The following PLEKHG7 variants were observed in gnomAD, a reference collection of about 807,000 sequenced individuals.
PLEKHG7 encodes the protein pleckstrin homology domain-containing family G member 7.
PLEKHG7 carries 77 observed loss-of-function variants against 85.2 expected under a neutral mutation model. That is an observed-to-expected ratio of 0.90 (90% CI 0.75 to 1.09). PLEKHG7 has a LOEUF of 1.09. PLEKHG7 is among the 50% of genes least tolerant of loss of function. The pLI, the probability that PLEKHG7 is intolerant of heterozygous loss-of-function variation, is 0.00. For synonymous variants in PLEKHG7, 301 were observed against 302.4 expected, an observed-to-expected ratio of 1.00 and a Z score of 0.05; for missense variants, 777 against 804.3, an observed-to-expected ratio of 0.97 and a Z score of 0.41.
chr12:92,745,333 GC>G (rs1202039855), intron 9 of PLEKHG7, 144 bp from the exon 10 acceptor site: 3 of 585,774 alleles, frequency 5.1e-6, no homozygotes, highest in Non-Finnish European at 9.1e-6. Flanking sequence ...GTATTTCCAT[GC>G]AGTTGTGGCG....
At chr12:92,711,557 C>G (rs994957708) in intron 3 of PLEKHG7, among the ~76,000 whole-genome samples, 5 of 151,876 alleles carry the variant, frequency 3.3e-5, no homozygotes, top group Non-Finnish European at 7.3e-5. Flanking sequence ...CGCATGGTGA[C>G]TTGATGACCC....
In PLEKHG7 at chr12:92,707,159, C is replaced by T. The variant is rs565654546; in HGVS notation, c.507+21C>T. 168 of 1,593,522 alleles carry T rather than the reference C, an allele frequency of 1.1e-4. 1 individual carries two copies. In the South Asian group the frequency reaches 1.4e-3, roughly 13 times the overall value. On this transcript the variant is annotated intron_variant, in intron 2 of 16. Coordinates refer to ENST00000344636, the MANE Select transcript of PLEKHG7 (RefSeq NM_001377329.1). Reference sequence around the variant, plus strand: ...CTCAGGTAACACAGCTCTAAGCCTCCGGCCTCTCAGTTGCTGAACCACAAA... The same window carrying T: ...CTCAGGTAACACAGCTCTAAGCCTCTGGCCTCTCAGTTGCTGAACCACAAA...
intron 14 of PLEKHG7, among the ~76,000 whole-genome samples, chr12:92,762,865 C>T (rs766398269): frequency 6.6e-6 from 1 of 152,236 alleles, no homozygotes; most frequent in Admixed American, 6.5e-5. Context: ...AAAATAGATA[C>T]CCATTAATCA....
chr12:92,753,007 C>T (rs1872734005), intron 10 of PLEKHG7, among the ~76,000 whole-genome samples: 2 of 152,214 alleles, frequency 1.3e-5, no homozygotes, highest in Admixed American at 1.3e-4. Context: ...GCCTAATCAC[C>T]TCCCAACAGC....
rs1592691441 is a variant in PLEKHG7 at position 92,767,598 on chromosome 12, T to G, written c.1871-1385T>G. Reference sequence around the variant, plus strand: ...ATGGCCTCTCATTAACAGACTTTATTTTTTGTAGTAGAATTTGGGAATTAT... The same window carrying G: ...ATGGCCTCTCATTAACAGACTTTATGTTTTGTAGTAGAATTTGGGAATTAT... On this transcript the variant is annotated intron_variant, in intron 15 of 16. Coordinates refer to ENST00000344636, the MANE Select transcript of PLEKHG7 (RefSeq NM_001377329.1). 2.0e-5 allele frequency among the ~76,000 whole-genome samples: 3 copies of G among 152,282 alleles called. No individual in the cohort carries two copies. The South Asian group carries it at 6.2e-4, about 32-fold the overall frequency.
intron 4 of PLEKHG7, among the ~76,000 whole-genome samples, chr12:92,731,314 G>A (rs1565790154): frequency 6.6e-6 from 1 of 152,190 alleles, no homozygotes; most frequent in Non-Finnish European, 1.5e-5. Flanking sequence ...ATGAATGAGA[G>A]GATAATCTGT....
chr12:92,765,629 CAAAA>C (rs1253858910), intron 15 of PLEKHG7, among the ~76,000 whole-genome samples: 1 of 118,570 alleles, frequency 8.4e-6, no homozygotes, highest in Non-Finnish European at 1.8e-5. Flanking sequence ...AACTCCATCT[CAAAA>C]AAAAAAAAAA....
chr12:92,715,716 CAA>C lies in PLEKHG7; in HGVS notation c.530+8065_530+8066del, dbSNP rs11331072. Among the ~76,000 whole-genome samples the C allele has an allele frequency of 3.3e-3, 291 of 87,442 alleles. 1 individual carries two copies. The highest frequency in any genetic ancestry group is 8.1e-3 in the East Asian group (19 of 2,334). 57.4% of individuals were successfully genotyped at this position (87,442 alleles called of 152,430 possible). A position where few individuals can be genotyped will look rare whatever the true frequency, so the allele number is the denominator to read the frequency against. ...TATCTAAGAGCAAGGGTTCTTGCCTCAAAAAAAAAAAAAAAAAAAAAAGGCCT... is the reference window on the plus strand; with the variant it reads ...TATCTAAGAGCAAGGGTTCTTGCCTCAAAAAAAAAAAAAAAAAAAAGGCCT... On this transcript the variant is annotated intron_variant, in intron 3 of 16. Transcript: ENST00000344636.
At chr12:92,770,025 G>A in intron 16 of PLEKHG7, 63 bp from the exon 17 acceptor site, 2 of 1,087,624 alleles carry the variant, frequency 1.8e-6, no homozygotes, top group Non-Finnish European at 2.7e-6. Context: ...GCCCAAATAT[G>A]TGAGAAATTG....
chr12:92,707,626 A>T (rs1309715839), intron 2 of PLEKHG7, 24 bp from the exon 3 acceptor site: 3 of 1,611,482 alleles, frequency 1.9e-6, no homozygotes, highest in Non-Finnish European at 2.5e-6. Context: ...AGACTAAAAC[A>T]TATGTTCTTA....
At chr12:92,736,998 G>C (rs1872170974) in intron 6 of PLEKHG7, among the ~76,000 whole-genome samples, 1 of 152,052 alleles carries the variant, frequency 6.6e-6, no homozygotes, top group Non-Finnish European at 1.5e-5. Flanking sequence ...AACGGAACCT[G>C]GAATCAGACT....
chr12:92,714,096 C>T (rs910155434), intron 3 of PLEKHG7, among the ~76,000 whole-genome samples: 2 of 152,204 alleles, frequency 1.3e-5, no homozygotes, highest in South Asian at 2.1e-4. Flanking sequence ...CCTCTAGGTG[C>T]CTGCCGGGAC....
chr12:92,709,420 A>G (rs1016415550), intron 3 of PLEKHG7, among the ~76,000 whole-genome samples: 2 of 152,198 alleles, frequency 1.3e-5, no homozygotes, highest in African/African-American at 4.8e-5. Context: ...ATGAGTGGTT[A>G]GAGTGTAGGT....
intron 3 of PLEKHG7, among the ~76,000 whole-genome samples, chr12:92,710,461 T>A (rs752032711): frequency 1.3e-4 from 20 of 152,140 alleles, no homozygotes; most frequent in Non-Finnish European, 2.4e-4. Flanking sequence ...TGGAATACCA[T>A]GATGGTGGAT....
chr12:92,770,165 C>A lies in PLEKHG7; in HGVS notation c.2046C>A (p.Phe682Leu). The change falls in exon 17 of 17, where the codon TTC becomes TTA. Residue 682 changes from phenylalanine (F) to leucine (L), a missense_variant. This residue lies in a region of PLEKHG7 where 520 missense variants were observed against 544.0 expected (regional missense o/e 0.96). Transcript: ENST00000344636. ...AGGAAACCAAGAAAATATCTTTATT[C>A]ACATTGCCCGCAGAATCCTCTGAAA... ...KSQETKKISL[F>L]TLPAESSEI 6.2e-7 allele frequency: 1 copy of A among 1,605,978 alleles called. No homozygotes were observed. The highest frequency in any genetic ancestry group is 1.1e-5 in the South Asian group (1 of 88,966).
chr12:92,768,173 C>T (rs1335534542), intron 15 of PLEKHG7, among the ~76,000 whole-genome samples: 1 of 151,550 alleles, frequency 6.6e-6, no homozygotes. Context: ...CGCCACTGCA[C>T]TCCAGCCCGG....
chr12:92,751,529 CTAA>C (rs1210111053), intron 10 of PLEKHG7, among the ~76,000 whole-genome samples: 1 of 109,706 alleles, frequency 9.1e-6, no homozygotes, highest in Non-Finnish European at 1.9e-5. Context: ...CCATGCCTGG[CTAA>C]TTTTTTTTTT....
chr12:92,728,961 G>A (rs760590682), intron 3 of PLEKHG7, 32 bp from the exon 4 acceptor site: 43 of 1,223,804 alleles, frequency 3.5e-5, no homozygotes, highest in African/African-American at 3.3e-4. Context: ...ATGATATTTC[G>A]GTGTGGTTTT....
intron 5 of PLEKHG7, 94 bp from the exon 6 acceptor site, chr12:92,736,388 T>A (rs1195767802): frequency 1.4e-6 from 1 of 705,990 alleles, no homozygotes; most frequent in Non-Finnish European, 2.0e-6. Context: ...TTATCATGAA[T>A]GTTAGGGAAT....
Sources: gnomAD v4.1 joint callset for allele counts (sites outside exome capture counted in the v4.1 genomes callset) on GRCh38, gnomAD v4.1.1 for gene constraint, gnomAD v4.1.1 regional missense constraint, MANE v1.5 for transcripts, NCBI Gene and HGNC (gene_info 2026-07-23, HGNC 2026-07-21) for gene names.